Variants in ZMYND8 observed in about 807,000 individuals in gnomAD.
ZMYND8 encodes MYND-type zinc finger-containing chromatin reader ZMYND8.
A neutral mutation model predicts 140.8 loss-of-function variants in ZMYND8; 37 were observed. The ratio of observed to expected loss-of-function variants is 0.26; its 90% confidence interval spans 0.20 to 0.35. ZMYND8 has a LOEUF of 0.35. ZMYND8 is among the 10% of genes least tolerant of loss of function. ZMYND8 has a pLI of 1.00. For missense variants in ZMYND8, 1,068 were observed against 1,570.0 expected (o/e 0.68, Z 5.40); for synonymous variants, 592 against 597.1 (o/e 0.99, Z 0.12).
At chr20:47,272,931 A>T (rs1415629070) in intron 11 of ZMYND8, among the ~76,000 whole-genome samples, 1 of 152,220 alleles carries the variant, frequency 6.6e-6, no homozygotes, top group Non-Finnish European at 1.5e-5. Context: ...GAAGCATTTT[A>T]ATACAAATTT....
At chr20:47,231,529 T>C (rs1053426072) in intron 16 of ZMYND8, among the ~76,000 whole-genome samples, 25 of 152,236 alleles carry the variant, frequency 1.6e-4, no homozygotes, top group African/African-American at 6.0e-4. Context: ...TACCCATTCA[T>C]CTTATTTTTA....
chr20:47,321,758 C>T lies in ZMYND8; in HGVS notation c.86-11554G>A, dbSNP rs760880293. On this transcript the variant is annotated intron_variant, in intron 2 of 22. Coordinates refer to ENST00000471951, the MANE Select transcript of ZMYND8 (RefSeq NM_001281775.3). ...GGCCTCTGCCCTGATGGAAGGACAG[C>T]TAGAAACACAGTTGTAACAGCTACC... Among the ~76,000 whole-genome samples the T allele has an allele frequency of 1.9e-4, 29 of 152,074 alleles. 1 individual carries two copies. The Middle Eastern group carries it at 0.017, about 89-fold the overall frequency.
In ZMYND8 at chr20:47,227,425, G is replaced by C. The variant is rs937560667; in HGVS notation, c.2938-144C>G. On this transcript the variant is annotated intron_variant, in intron 17 of 22. Coordinates refer to ENST00000471951, the MANE Select transcript of ZMYND8 (RefSeq NM_001281775.3). ...CTATAGTCCAGAGAGGTGATCACTG[G>C]TGGGTGAACCCAAATTCACCAGAAA... The C allele has an allele frequency of 1.5e-4, 110 of 733,850 alleles. 1 individual carries two copies. The African/African-American group carries it at 1.7e-3, about 11-fold the overall frequency. 45.5% of individuals were successfully genotyped at this position (733,850 alleles called of 1,614,324 possible). A position where few individuals can be genotyped will look rare whatever the true frequency, so the allele number is the denominator to read the frequency against.
intron 2 of ZMYND8, among the ~76,000 whole-genome samples, chr20:47,324,192 ACT>A (rs1275167418): frequency 3.5e-5 from 4 of 114,548 alleles, no homozygotes; most frequent in Non-Finnish European, 1.7e-5. Context: ...CCAGAGCGAG[ACT>A]CTGTCTCAAA....
chr20:47,212,679 T>A lies in ZMYND8; in HGVS notation c.3531A>T (p.Thr1177=), dbSNP rs1313897098. The change falls in exon 22 of 23, where the codon ACA becomes ACT. Residue 1177 remains threonine, a synonymous_variant. Transcript: ENST00000471951. ...GGTAGTTGGGGTGCGGCTGGTGGTC[T>A]GTGGTGGTTGGGGCATAGGCAGGTT... ...DKQPAYAPTT[T]DHQPHPNYPA... is the part of the protein sequence containing the mutation. The A allele has an allele frequency of 9.3e-6, 15 of 1,613,814 alleles. No homozygotes were observed. The highest frequency in any genetic ancestry group is 1.3e-5 in the African/African-American group (1 of 74,900).
At chr20:47,234,316 T>G (rs1195773804) in intron 16 of ZMYND8, among the ~76,000 whole-genome samples, 1 of 152,268 alleles carries the variant, frequency 6.6e-6, no homozygotes, top group Admixed American at 6.5e-5. Context: ...CCCAAAGTGC[T>G]GGGATTACAG....
intron 2 of ZMYND8, among the ~76,000 whole-genome samples, chr20:47,317,487 T>C (rs1362071651): frequency 2.7e-5 from 4 of 150,488 alleles, no homozygotes; most frequent in African/African-American, 4.9e-5. Flanking sequence ...TTACAGGGAA[T>C]TGTCTCCTCC....
intron 2 of ZMYND8, among the ~76,000 whole-genome samples, chr20:47,342,579 C>T (rs1392005319): frequency 6.7e-6 from 1 of 148,750 alleles, no homozygotes; most frequent in Non-Finnish European, 1.5e-5. Context: ...GGCACGGAGG[C>T]TCATGCCTGT....
chr20:47,236,850 C>G (rs2039301981), intron 15 of ZMYND8, among the ~76,000 whole-genome samples: 2 of 152,164 alleles, frequency 1.3e-5, no homozygotes, highest in South Asian at 4.1e-4. Context: ...GACAGGACCT[C>G]AGCATCCCAG....
At chr20:47,241,168 G>C (rs1175579934) in intron 14 of ZMYND8, among the ~76,000 whole-genome samples, 1 of 151,638 alleles carries the variant, frequency 6.6e-6, no homozygotes, top group Non-Finnish European at 1.5e-5. Flanking sequence ...GGTGGTGTGT[G>C]CCTATAATCC....
intron 12 of ZMYND8, among the ~76,000 whole-genome samples, chr20:47,257,513 C>CATATACCATACTCACATAT (rs2074832787): frequency 6.6e-6 from 1 of 151,862 alleles, no homozygotes; most frequent in Admixed American, 6.6e-5. Context: ...ACCATACACA[C>CATATACCATACTCACATAT]ACATACATAT....
chr20:47,291,524 G>C (rs984499735), intron 6 of ZMYND8, among the ~76,000 whole-genome samples: 7 of 152,168 alleles, frequency 4.6e-5, no homozygotes, highest in African/African-American at 1.7e-4. Flanking sequence ...CTAACTCTTA[G>C]AAGCTATGGC....
rs1191978624 is a variant in ZMYND8, at chr20:47,294,850, T to C, written c.454-71A>G. 5 of 1,415,774 alleles carry C rather than the reference T, an allele frequency of 3.5e-6. No homozygotes were observed. In the African/African-American group the frequency reaches 7.1e-5, roughly 20 times the overall value. 87.7% of individuals were successfully genotyped at this position (1,415,774 alleles called of 1,614,324 possible). The stretch of plus-strand genomic sequence containing the variant: ...ATTACCATCCATGTACTGATTTCTA[T>C]TTTTTCAGTCAACTGACAGACAAAA... On this transcript the variant is annotated intron_variant, in intron 4 of 22. Coordinates refer to ENST00000471951, the MANE Select transcript of ZMYND8 (RefSeq NM_001281775.3).
At chr20:47,318,940 G>C in intron 2 of ZMYND8, 2 of 1,350,170 alleles carry the variant, frequency 1.5e-6, no homozygotes, top group Non-Finnish European at 2.0e-6. Flanking sequence ...ACGCCAAGAG[G>C]AGGCACTTAC....
intron 1 of ZMYND8, chr20:47,352,559 A>G: frequency 3.0e-6 from 3 of 985,122 alleles, no homozygotes; most frequent in Non-Finnish European, 3.6e-6. Context: ...CAGAGGCCGA[A>G]CTAACAGCCT....
At chr20:47,233,748 G>T (rs770181077) in intron 16 of ZMYND8, among the ~76,000 whole-genome samples, 1 of 152,164 alleles carries the variant, frequency 6.6e-6, no homozygotes. Flanking sequence ...AAATTGGGGT[G>T]ATAACAGTAC....
At chr20:47,263,992 G>C (rs1005218173) in intron 11 of ZMYND8, among the ~76,000 whole-genome samples, 2 of 152,182 alleles carry the variant, frequency 1.3e-5, no homozygotes, top group African/African-American at 2.4e-5. Context: ...AGACATTTTA[G>C]GAGAGTGGGG....
At position 47,229,787 on chromosome 20, in the gene ZMYND8, C is replaced by G; in HGVS notation, c.2876G>C (p.Gly959Ala). The change falls in exon 17 of 23, where the codon GGA becomes GCA. Residue 959 changes from glycine to alanine, a missense_variant. Transcript: ENST00000471951. Reference sequence around the variant, plus strand: ...ATCGTTGTATATTTCTGTCATTGTTCCTTTTATTGCATCCATCATCTGAAA... The same window carrying G: ...ATCGTTGTATATTTCTGTCATTGTTGCTTTTATTGCATCCATCATCTGAAA... Reference protein sequence around the residue: ...YTSKMMDAIKGTMTEIYNDLS... With the variant: ...YTSKMMDAIKATMTEIYNDLS... The G allele has an allele frequency of 6.2e-7, 1 of 1,613,190 alleles. No individual in the cohort carries two copies. The highest frequency in any genetic ancestry group is 8.5e-7 in the Non-Finnish European group (1 of 1,179,596).
chr20:47,278,577 G>A (rs576312737), intron 10 of ZMYND8, among the ~76,000 whole-genome samples: 1 of 151,914 alleles, frequency 6.6e-6, no homozygotes, highest in African/African-American at 2.4e-5. Context: ...GCACATCCCT[G>A]GGACCGAATT....
Sources: gnomAD v4.1 joint callset for allele counts (sites outside exome capture counted in the v4.1 genomes callset) on GRCh38, gnomAD v4.1.1 for gene constraint, MANE v1.5 for transcripts, NCBI Gene and HGNC (gene_info 2026-07-23, HGNC 2026-07-21) for gene names.